The following PPM1H variants were observed in gnomAD, a reference collection of about 807,000 sequenced individuals.
PPM1H encodes protein phosphatase 1H.
A neutral mutation model predicts 54.9 loss-of-function variants in PPM1H; 27 were observed. The ratio of observed to expected loss-of-function variants is 0.49; its 90% CI spans 0.36 to 0.68. PPM1H has a LOEUF of 0.68. Ranked by LOEUF, PPM1H falls within the 30% of genes least tolerant of loss-of-function variation. The pLI, the probability that PPM1H is intolerant of heterozygous loss-of-function variation, is 0.00. For missense variants in PPM1H, 596 were observed against 667.8 expected (o/e 0.89, Z 1.19); for synonymous variants, 305 against 270.8 (o/e 1.13, Z -1.24).
chr12:62,925,689 C>G (rs760988568), intron 1 of PPM1H, among the ~76,000 whole-genome samples: 2 of 152,196 alleles, frequency 1.3e-5, no homozygotes, highest in Non-Finnish European at 2.9e-5. Flanking sequence ...ACATGTAATA[C>G]TCATTTATTG....
intron 4 of PPM1H, among the ~76,000 whole-genome samples, chr12:62,739,658 C>A (rs1357982970): frequency 6.6e-6 from 1 of 152,212 alleles, no homozygotes. Context: ...CCTCTAGGAC[C>A]TGAGTGCCAG....
At chr12:62,792,360 G>A (rs1216597148) in intron 3 of PPM1H, among the ~76,000 whole-genome samples, 2 of 151,812 alleles carry the variant, frequency 1.3e-5, no homozygotes, top group Admixed American at 6.6e-5. Flanking sequence ...CTTTTTCTAC[G>A]TTCAGCTACA....
In PPM1H at chr12:62,647,448, G is replaced by GA. The variant is rs2075792271; in HGVS notation, c.*1040_*1041insT. On this transcript the variant is annotated 3_prime_UTR_variant, in exon 10 of 10. Transcript: ENST00000228705. ...AAGCCATGAAACATGAATCCAAAAT[G>GA]GTCCCCAGATGAGCCATGGTGAACC... 6.6e-6 allele frequency: 1 copy of GA among 152,234 alleles called. No homozygotes were observed. Among genetic ancestry groups the GA allele is most frequent in the Non-Finnish European group, 1.5e-5 (1 of 68,102 alleles). The allele number at this position is 152,234 out of a possible 1,614,324, so 9.4% of individuals were successfully genotyped here. A position where few individuals can be genotyped will look rare whatever the true frequency, so the allele number is the denominator to read the frequency against.
intron 1 of PPM1H, among the ~76,000 whole-genome samples, chr12:62,865,865 CT>C (rs1565813683): frequency 6.6e-6 from 1 of 152,202 alleles, no homozygotes; most frequent in African/African-American, 2.4e-5. Context: ...ATTTTTCAGA[CT>C]CCCTATAAGA....
chr12:62,823,857 C>G (rs1868257169), intron 2 of PPM1H, among the ~76,000 whole-genome samples: 1 of 152,208 alleles, frequency 6.6e-6, no homozygotes, highest in African/African-American at 2.4e-5. Context: ...GATGCCCTCT[C>G]TCACCACTCC....
rs34384026 is a variant in PPM1H, at chr12:62,802,569, CTT to C, written c.412-411_412-410del. On this transcript the variant is annotated intron_variant, in intron 2 of 9. Transcript: ENST00000228705. The stretch of plus-strand genomic sequence containing the variant: ...GAACACCTAACTCCTTAACTCCCGT[CTT>C]TTTTTTTTTTTTGACAGAGTCTCAC... 2.4e-4 allele frequency among the ~76,000 whole-genome samples: 35 copies of C among 145,156 alleles called. 1 individual carries two copies. The highest frequency in any genetic ancestry group is 7.1e-3 in the Middle Eastern group (2 of 282).
At chr12:62,759,882 G>A (rs2076497667) in intron 4 of PPM1H, among the ~76,000 whole-genome samples, 1 of 150,308 alleles carries the variant, frequency 6.7e-6, no homozygotes, top group South Asian at 2.1e-4. Context: ...CACTTTCCTG[G>A]GGGGCAAGCA....
At position 62,832,152 on chromosome 12, in the gene PPM1H, G is replaced by C. The variant is rs1868373560; in HGVS notation, c.373C>G (p.Leu125Val). Residue 125 changes from leucine (L) to valine (V), a missense_variant, in exon 2 of 10, where the codon CTT becomes GTT. By Grantham distance (32) the Leu-to-Val change is conservative. Coordinates refer to ENST00000228705, the MANE Select transcript of PPM1H (RefSeq NM_020700.2). ...NRNSSKRRSS[L>V]PNGEGLQLKE... ...AGCTGCAGCCCTTCCCCATTGGGAA[G>C]GGAGGACCGTCTCTTGGATGAGTTC... 1 of 1,613,906 alleles carries C rather than the reference G, an allele frequency of 6.2e-7. No individual in the cohort carries two copies. Among genetic ancestry groups the C allele is most frequent in the Non-Finnish European group, 8.5e-7 (1 of 1,179,842 alleles).
At chr12:62,817,152 T>TAAAAAAA (rs2076873724) in intron 2 of PPM1H, among the ~76,000 whole-genome samples, 1 of 63,138 alleles carries the variant, frequency 1.6e-5, no homozygotes, top group African/African-American at 7.4e-5. Context: ...AAAAAAAAAC[T>TAAAAAAA]AAAAAAAAGA....
At chr12:62,665,757 G>C (rs1226478374) in intron 9 of PPM1H, among the ~76,000 whole-genome samples, 3 of 151,892 alleles carry the variant, frequency 2.0e-5, no homozygotes, top group Non-Finnish European at 2.9e-5. Flanking sequence ...TTTGTTTTGA[G>C]ACGGAGTCTT....
chr12:62,802,237 TATGGGACTG>T, intron 2 of PPM1H, 77 bp from the exon 3 acceptor site: 5 of 1,201,234 alleles, frequency 4.2e-6, no homozygotes, highest in Non-Finnish European at 5.7e-6. Context: ...GTGGGACATC[TATGGGACTG>T]AGGGTCCACT....
intron 4 of PPM1H, among the ~76,000 whole-genome samples, chr12:62,783,684 A>G (rs2076654712): frequency 6.6e-6 from 1 of 152,246 alleles, no homozygotes; most frequent in South Asian, 2.1e-4. Flanking sequence ...ATCCTTTGTT[A>G]TAGTATTTAA....
At chr12:62,653,457 G>T (rs149237191) in intron 9 of PPM1H, among the ~76,000 whole-genome samples, 1 of 152,142 alleles carries the variant, frequency 6.6e-6, no homozygotes, top group Non-Finnish European at 1.5e-5. Context: ...TCACCGTTGT[G>T]AATTTCTCTT....
rs1872287893 is a variant in PPM1H, at chr12:62,935,056, C to G, written c.-320G>C. ...CTGCAGCAGGTCCCTTCCCCGCCCCCTGCGCTCGGCTCCGGCGTGCGCTGA... is the reference window on the plus strand; with the variant it reads ...CTGCAGCAGGTCCCTTCCCCGCCCCGTGCGCTCGGCTCCGGCGTGCGCTGA... On this transcript the variant is annotated 5_prime_UTR_variant, in exon 1 of 10. Transcript: ENST00000228705. The G allele has an allele frequency of 1.7e-5, 3 of 176,430 alleles. No homozygotes were observed. The highest frequency in any genetic ancestry group is 3.6e-5 in the Non-Finnish European group (3 of 84,230). The allele number at this position is 176,430 out of a possible 1,614,324, so 10.9% of individuals were successfully genotyped here.
At chr12:62,767,513 T>C (rs894296909) in intron 4 of PPM1H, among the ~76,000 whole-genome samples, 53 of 152,222 alleles carry the variant, frequency 3.5e-4, no homozygotes, top group Non-Finnish European at 7.2e-4. Context: ...TGTGTGTTCA[T>C]TTCACACATG....
At chr12:62,777,647 G>A (rs1051968654) in intron 4 of PPM1H, among the ~76,000 whole-genome samples, 2 of 152,134 alleles carry the variant, frequency 1.3e-5, no homozygotes, top group South Asian at 4.1e-4. Context: ...GCAATGGGAG[G>A]AAATGAACTC....
intron 9 of PPM1H, among the ~76,000 whole-genome samples, chr12:62,660,326 A>G (rs1021309990): frequency 2.6e-5 from 4 of 152,222 alleles, no homozygotes; most frequent in African/African-American, 9.6e-5. Flanking sequence ...GACAACAGAA[A>G]TAGAAAAAAC....
At chr12:62,890,376 T>C (rs1870740604) in intron 1 of PPM1H, among the ~76,000 whole-genome samples, 1 of 152,156 alleles carries the variant, frequency 6.6e-6, no homozygotes, top group Admixed American at 6.5e-5. Flanking sequence ...GAGGAACGCT[T>C]GAGCCTGGAA....
intron 1 of PPM1H, among the ~76,000 whole-genome samples, chr12:62,904,854 G>GA (rs752227546): frequency 5.3e-5 from 8 of 151,978 alleles, no homozygotes; most frequent in South Asian, 2.1e-4. Context: ...TAATTTCTTA[G>GA]AAAAAATCAA....
Sources: gnomAD v4.1 joint callset for allele counts (sites outside exome capture counted in the v4.1 genomes callset) on GRCh38, gnomAD v4.1.1 for gene constraint, MANE v1.5 for transcripts, NCBI Gene and HGNC (gene_info 2026-07-23, HGNC 2026-07-21) for gene names.